PCDH15: variants seen among roughly 807,000 people sequenced by gnomAD.
PCDH15 encodes the protein protocadherin related 15, also known as protocadherin-15.
In PCDH15, 129 loss-of-function variants were observed where a neutral mutation model predicts 178.5. The ratio of observed to expected loss-of-function variants is 0.72; its 90% CI spans 0.63 to 0.84. PCDH15 has a LOEUF of 0.84. Ranked by LOEUF, PCDH15 falls within the 40% of genes least tolerant of loss-of-function variation. The pLI is 0.00. For missense variants in PCDH15, 2,230 were observed against 2,099.9 expected (o/e 1.06, Z -1.21); for synonymous variants, 800 against 732.0 (o/e 1.09, Z -1.50).
chr10:54,900,007 C>T (rs1274813118), intron 2 of PCDH15, among the ~76,000 whole-genome samples: 1 of 151,922 alleles, frequency 6.6e-6, no homozygotes. Context: ...CTTTATCTGC[C>T]TATGCAATTA....
At chr10:54,988,557 G>T (rs746102929) in intron 2 of PCDH15, among the ~76,000 whole-genome samples, 10 of 152,286 alleles carry the variant, frequency 6.6e-5, no homozygotes, top group Non-Finnish European at 1.3e-4. Context: ...TGGAGCAAAG[G>T]TGACTCTTGT....
chr10:54,339,734 A>G (rs571929491), intron 6 of PCDH15, among the ~76,000 whole-genome samples: 1 of 152,250 alleles, frequency 6.6e-6, no homozygotes, highest in Admixed American at 6.5e-5. Context: ...TTTACCAAGA[A>G]CTCCTCTACC....
chr10:54,634,217 C>T (rs1048876597), intron 2 of PCDH15, among the ~76,000 whole-genome samples: 1 of 147,608 alleles, frequency 6.8e-6, no homozygotes, highest in African/African-American at 2.4e-5. Flanking sequence ...ATCAGGAGCA[C>T]CCTTGATTCT....
At chr10:54,812,701 C>T (rs1223498079) in intron 3 of PCDH15, among the ~76,000 whole-genome samples, 2 of 152,124 alleles carry the variant, frequency 1.3e-5, no homozygotes, top group Non-Finnish European at 2.9e-5. Flanking sequence ...TCATGATCCG[C>T]CTGCCTCGGC....
intron 21 of PCDH15, among the ~76,000 whole-genome samples, chr10:53,978,541 G>A (rs977279587): frequency 6.6e-6 from 1 of 152,060 alleles, no homozygotes; most frequent in Non-Finnish European, 1.5e-5. Context: ...AGGGGATGCT[G>A]TGAATGTCTC....
intron 15 of PCDH15, among the ~76,000 whole-genome samples, chr10:54,121,008 G>A (rs1176346889): frequency 6.6e-6 from 1 of 150,872 alleles, no homozygotes; most frequent in African/African-American, 2.4e-5. Context: ...ACTGCACAGG[G>A]AATATACTCC....
intron 1 of PCDH15, among the ~76,000 whole-genome samples, chr10:55,238,140 A>ATT (rs1841437917): frequency 7.5e-6 from 1 of 134,226 alleles, no homozygotes. Flanking sequence ...ATGCATTCAT[A>ATT]TTTTCTTTTT....
intron 2 of PCDH15, among the ~76,000 whole-genome samples, chr10:55,434,145 C>A (rs1168537632): frequency 1.5e-5 from 2 of 136,198 alleles, no homozygotes; most frequent in African/African-American, 5.7e-5. Context: ...CAGTGGCGCC[C>A]TCTAGGCTCA....
intron 10 of PCDH15, among the ~76,000 whole-genome samples, chr10:54,198,240 G>A (rs2049870862): frequency 1.3e-5 from 2 of 152,078 alleles, no homozygotes; most frequent in African/African-American, 4.8e-5. Context: ...TTACCCCTGT[G>A]ACACACATCA....
chr10:54,138,220 C>G (rs73241716), intron 14 of PCDH15, among the ~76,000 whole-genome samples: 2,394 of 152,058 alleles, frequency 0.016, 78 homozygotes, highest in African/African-American at 0.055. Context: ...AGTATGAACA[C>G]TCTTGGGGGC....
rs2094571923 is a variant in PCDH15 at position 54,089,912 on chromosome 10, T to G, written c.1997+72A>C. The G allele has an allele frequency of 5.1e-6, 6 of 1,170,392 alleles. No individual in the cohort carries two copies. The South Asian group carries it at 7.4e-5, about 14-fold the overall frequency. The allele number at this position is 1,170,392 out of a possible 1,614,324, so 72.5% of individuals were successfully genotyped here. On this transcript the variant is annotated intron_variant, in intron 16 of 37. Transcript: ENST00000644397. ...CTACAAACAGCTGAAAGCCTCTGAT[T>G]AGAAGTCTGCTTTCTTACTAACAGT...
chr10:55,528,470 T>C (rs941298688), intron 2 of PCDH15, among the ~76,000 whole-genome samples: 4 of 152,020 alleles, frequency 2.6e-5, no homozygotes, highest in African/African-American at 9.7e-5. Flanking sequence ...AGTGAGAACA[T>C]GCGGTGTTTG....
intron 9 of PCDH15, among the ~76,000 whole-genome samples, chr10:54,230,293 G>A (rs1266000300): frequency 6.6e-6 from 1 of 152,088 alleles, no homozygotes; most frequent in Non-Finnish European, 1.5e-5. Flanking sequence ...AAAACCACAT[G>A]TGCTCAGCTA....
intron 2 of PCDH15, among the ~76,000 whole-genome samples, chr10:55,480,056 G>A (rs1840145828): frequency 6.6e-6 from 1 of 151,590 alleles, no homozygotes; most frequent in Admixed American, 6.6e-5. Context: ...GTAGTTTAAT[G>A]AGAAAAACAT....
chr10:55,218,636 T>A (rs1564902600), intron 1 of PCDH15, among the ~76,000 whole-genome samples: 1 of 152,026 alleles, frequency 6.6e-6, no homozygotes, highest in South Asian at 2.1e-4. Flanking sequence ...AGGTAAGCCA[T>A]CAAAGCAAGT....
rs146745942 is a variant in PCDH15, at chr10:54,183,059, G to A, written c.1590+385C>T. Reference sequence around the variant, plus strand: ...TGTGATGGCATGATCTCAGCTCACCGCAACCTTGGCCTCCCAGGTTCAAGC... The same window carrying A: ...TGTGATGGCATGATCTCAGCTCACCACAACCTTGGCCTCCCAGGTTCAAGC... On this transcript the variant is annotated intron_variant, in intron 13 of 37. Coordinates refer to ENST00000644397, the MANE Select transcript of PCDH15 (RefSeq NM_001384140.1). Among the ~76,000 whole-genome samples the A allele has an allele frequency of 2.7e-3, 404 of 151,814 alleles. 1 individual carries two copies. Among genetic ancestry groups the A allele is most frequent in the African/African-American group, 8.7e-3 (360 of 41,382 alleles).
At chr10:54,921,283 T>A (rs768458475) in intron 2 of PCDH15, among the ~76,000 whole-genome samples, 1 of 152,166 alleles carries the variant, frequency 6.6e-6, no homozygotes, top group Non-Finnish European at 1.5e-5. Flanking sequence ...ATTGCCTCAA[T>A]ATATACCCTC....
intron 15 of PCDH15, among the ~76,000 whole-genome samples, chr10:54,094,673 C>T (rs2094666641): frequency 6.6e-6 from 1 of 152,124 alleles, no homozygotes; most frequent in Non-Finnish European, 1.5e-5. Context: ...GCAAGTAATG[C>T]ACTTTAGCCA....
chr10:55,259,902 C>CAAAAAAAAAAAAAAAAAAAAAAA (rs749939571), intron 1 of PCDH15, among the ~76,000 whole-genome samples: 2 of 52,008 alleles, frequency 3.8e-5, no homozygotes, highest in Non-Finnish European at 7.3e-5. Context: ...AACTCCGTCT[C>CAAAAAAAAAAAAAAAAAAAAAAA]AAAAAAAAAA....
Sources: gnomAD v4.1 joint callset for allele counts (sites outside exome capture counted in the v4.1 genomes callset) on GRCh38, gnomAD v4.1.1 for gene constraint, MANE v1.5 for transcripts, NCBI Gene and HGNC (gene_info 2026-07-23, HGNC 2026-07-21) for gene names.